The following KIF16B variants were observed in gnomAD, a reference collection of about 807,000 sequenced individuals.
KIF16B encodes kinesin family member 16B.
A neutral mutation model predicts 156.3 loss-of-function variants in KIF16B; 98 were observed. That is an observed-to-expected ratio of 0.63 (90% CI 0.53 to 0.74). KIF16B has a LOEUF of 0.74. Among genes scored for constraint, KIF16B ranks in the 30% least tolerant of loss-of-function variants. The pLI, the probability that KIF16B is intolerant of heterozygous loss-of-function variation, is 0.00. For missense variants in KIF16B, 1,421 were observed against 1,606.5 expected (o/e 0.88, Z 1.97); for synonymous variants, 564 against 583.7 (o/e 0.97, Z 0.49).
At chr20:16,570,704 T>C (rs1252978318) in intron 1 of KIF16B, among the ~76,000 whole-genome samples, 1 of 152,202 alleles carries the variant, frequency 6.6e-6, no homozygotes, top group East Asian at 1.9e-4. Flanking sequence ...CACCATCTTA[T>C]TCTCATCATC....
At chr20:16,344,721 A>G (rs1326774583) in intron 23 of KIF16B, among the ~76,000 whole-genome samples, 1 of 152,210 alleles carries the variant, frequency 6.6e-6, no homozygotes, top group African/African-American at 2.4e-5. Flanking sequence ...ATTTTAGCTC[A>G]GCAGTCACTC....
chr20:16,354,004 C>G (rs2064388843), intron 23 of KIF16B, among the ~76,000 whole-genome samples: 1 of 152,144 alleles, frequency 6.6e-6, no homozygotes, highest in Admixed American at 6.5e-5. Context: ...GCAAAGAAAG[C>G]AGAGCTCTGT....
At chr20:16,388,621 C>T (rs1463791183) in intron 17 of KIF16B, among the ~76,000 whole-genome samples, 1 of 151,816 alleles carries the variant, frequency 6.6e-6, no homozygotes, top group Non-Finnish European at 1.5e-5. Flanking sequence ...GCATAGCATA[C>T]AACCTATTTT....
intron 12 of KIF16B, among the ~76,000 whole-genome samples, chr20:16,459,198 C>T (rs938683436): frequency 6.6e-6 from 1 of 152,100 alleles, no homozygotes; most frequent in Admixed American, 6.5e-5. Flanking sequence ...AGACAACCAA[C>T]CAGAAATATT....
At chr20:16,285,721 G>A (rs1481941747) in intron 25 of KIF16B, among the ~76,000 whole-genome samples, 2 of 152,176 alleles carry the variant, frequency 1.3e-5, no homozygotes, top group Non-Finnish European at 2.9e-5. Flanking sequence ...GAAGGCTGAG[G>A]TGGGAGGATC....
chr20:16,374,453 C>T, intron 19 of KIF16B, 44 bp from the exon 20 acceptor site: 1 of 1,453,010 alleles, frequency 6.9e-7, no homozygotes, highest in Non-Finnish European at 9.2e-7. Context: ...AATAGTATTT[C>T]CCGAGCATCC....
chr20:16,356,369 G>A lies in KIF16B; in HGVS notation c.3582C>T (p.Cys1194=), dbSNP rs376439733. The change falls in exon 23 of 26, where the codon TGC becomes TGT. Residue 1194 remains cysteine (C), a synonymous_variant. Coordinates refer to ENST00000354981, the MANE Select transcript of KIF16B (RefSeq NM_024704.5). ...CGAAGTGTGCATCCTTTCCTTGCCCGCAGAGGACGTAGCGTGGGATACTAA... is the reference window on the plus strand; with the variant it reads ...CGAAGTGTGCATCCTTTCCTTGCCCACAGAGGACGTAGCGTGGGATACTAA... ...IKISIPRYVL[C]GQGKDAHFEF... is the part of the protein sequence containing the mutation. 50 of 1,613,976 alleles carry A rather than the reference G, an allele frequency of 3.1e-5. No homozygotes were observed. Among genetic ancestry groups the A allele is most frequent in the East Asian group, 8.9e-5 (4 of 44,886 alleles).
intron 1 of KIF16B, among the ~76,000 whole-genome samples, chr20:16,571,762 T>G (rs1024205001): frequency 6.6e-6 from 1 of 151,978 alleles, no homozygotes; most frequent in African/African-American, 2.4e-5. Flanking sequence ...CACGAGTAGC[T>G]GGGACTACAG....
At chr20:16,354,800 G>C (rs111480506) in intron 23 of KIF16B, among the ~76,000 whole-genome samples, 2,530 of 152,226 alleles carry the variant, frequency 0.017, 70 homozygotes, top group African/African-American at 0.058. Context: ...CAAAAAGTCA[G>C]CCGGACGTGG....
At chr20:16,474,643 C>T (rs2067759143) in intron 12 of KIF16B, among the ~76,000 whole-genome samples, 1 of 152,168 alleles carries the variant, frequency 6.6e-6, no homozygotes, top group African/African-American at 2.4e-5. Flanking sequence ...CTCCTTTGCC[C>T]TTCCCCATTT....
At chr20:16,410,156 C>CATAT (rs1382952519) in intron 15 of KIF16B, among the ~76,000 whole-genome samples, 7 of 75,068 alleles carry the variant, frequency 9.3e-5, no homozygotes, top group African/African-American at 4.5e-4. Flanking sequence ...GGTACATATA[C>CATAT]ATATATGTAG....
intron 12 of KIF16B, among the ~76,000 whole-genome samples, chr20:16,458,280 G>C (rs1231986680): frequency 6.6e-6 from 1 of 152,178 alleles, no homozygotes; most frequent in Admixed American, 6.5e-5. Flanking sequence ...TCTATATAAA[G>C]AGAAAATGTT....
At chr20:16,376,112 G>C (rs1225346429) in intron 19 of KIF16B, among the ~76,000 whole-genome samples, 2 of 152,196 alleles carry the variant, frequency 1.3e-5, no homozygotes, top group African/African-American at 4.8e-5. Context: ...AGCATTTAAA[G>C]CAGGATCTGA....
chr20:16,283,966 C>T (rs1423320745), intron 25 of KIF16B, among the ~76,000 whole-genome samples: 1 of 152,186 alleles, frequency 6.6e-6, no homozygotes, highest in African/African-American at 2.4e-5. Flanking sequence ...CATTCAGTGG[C>T]ACCCAGCCTC....
intron 1 of KIF16B, among the ~76,000 whole-genome samples, chr20:16,550,632 C>T (rs1167512562): frequency 6.7e-6 from 1 of 149,604 alleles, no homozygotes; most frequent in Non-Finnish European, 1.5e-5. Context: ...TCCCTAAGCT[C>T]AGATGATCCT....
intron 17 of KIF16B, among the ~76,000 whole-genome samples, chr20:16,392,977 T>A (rs1033746361): frequency 6.6e-6 from 1 of 152,234 alleles, no homozygotes; most frequent in Non-Finnish European, 1.5e-5. Context: ...GTGTCTTTAA[T>A]GATTAGTCAA....
chr20:16,516,283 G>A (rs1336863980), intron 3 of KIF16B, among the ~76,000 whole-genome samples: 1 of 152,102 alleles, frequency 6.6e-6, no homozygotes, highest in East Asian at 1.9e-4. Flanking sequence ...AGCTGTGTGG[G>A]GCTGGGGTGG....
chr20:16,294,705 C>T (rs917604625), intron 25 of KIF16B, among the ~76,000 whole-genome samples: 6 of 152,232 alleles, frequency 3.9e-5, no homozygotes, highest in African/African-American at 4.8e-5. Flanking sequence ...ACACCCACAC[C>T]GGAAAAGCCC....
intron 23 of KIF16B, among the ~76,000 whole-genome samples, chr20:16,339,306 C>T (rs530174455): frequency 1.2e-4 from 19 of 152,334 alleles, no homozygotes; most frequent in African/African-American, 4.6e-4. Context: ...CTCCTTCAAA[C>T]ATCTTTTTCA....
Sources: allele counts gnomAD v4.1 joint callset (sites outside exome capture counted in the v4.1 genomes callset), GRCh38; gene constraint gnomAD v4.1.1; transcripts MANE v1.5; gene names NCBI Gene and HGNC (gene_info 2026-07-23, HGNC 2026-07-21).